The following KCND2 variants were observed in gnomAD, a reference collection of about 807,000 sequenced individuals.
KCND2 encodes potassium voltage-gated channel subfamily D member 2.
A neutral mutation model predicts 54.4 loss-of-function variants in KCND2; 16 were observed. The ratio of observed to expected loss-of-function variants is 0.29; its 90% CI spans 0.20 to 0.45. KCND2 has a LOEUF of 0.45. Ranked by LOEUF, KCND2 falls within the 20% of genes least tolerant of loss-of-function variation. The probability of loss-of-function intolerance (pLI) is 1.00; values close to 1 mark genes in which losing one functional copy is unlikely to be tolerated. For synonymous variants in KCND2, 317 were observed against 310.7 expected (o/e 1.02, Z -0.21); for missense variants, 486 against 824.2 (o/e 0.59, Z 5.02).
At chr7:120,714,555 T>A (rs1259961843) in intron 1 of KCND2, among the ~76,000 whole-genome samples, 1 of 152,108 alleles carries the variant, frequency 6.6e-6, no homozygotes, top group African/African-American at 2.4e-5. Context: ...TCAGCACTAT[T>A]CAGATATCTG....
At chr7:120,601,686 T>G (rs921901036) in intron 1 of KCND2, among the ~76,000 whole-genome samples, 19 of 152,168 alleles carry the variant, frequency 1.2e-4, no homozygotes, top group Admixed American at 9.8e-4. Flanking sequence ...TCAAATGATT[T>G]GAGAGTTGAC....
chr7:120,496,506 G>T (rs1802849981), intron 1 of KCND2, among the ~76,000 whole-genome samples: 2 of 151,900 alleles, frequency 1.3e-5, no homozygotes, highest in East Asian at 3.9e-4. Context: ...CTCACTGTAA[G>T]CTCCGCCTCC....
intron 1 of KCND2, among the ~76,000 whole-genome samples, chr7:120,308,557 C>G (rs1046888035): frequency 6.6e-6 from 1 of 152,184 alleles, no homozygotes; most frequent in African/African-American, 2.4e-5. Context: ...TTTATTATCA[C>G]AAACAATTGC....
In KCND2 at chr7:120,404,203, T is replaced by C. The variant is rs182789803; in HGVS notation, c.1115+128456T>C. 4.1e-3 allele frequency among the ~76,000 whole-genome samples: 625 copies of C among 152,256 alleles called. 6 individuals carry two copies. Among genetic ancestry groups the C allele is most frequent in the African/African-American group, 0.014 (600 of 41,564 alleles). On this transcript the variant is annotated intron_variant, in intron 1 of 5. Transcript: ENST00000331113. Reference sequence around the variant, plus strand: ...TACTTACCTGTCAGCCAGGAATGAGTCACTCCTGAATTTACTAAAAATGAC... The same window carrying C: ...TACTTACCTGTCAGCCAGGAATGAGCCACTCCTGAATTTACTAAAAATGAC...
intron 1 of KCND2, among the ~76,000 whole-genome samples, chr7:120,283,288 A>C (rs1799291976): frequency 1.3e-5 from 2 of 152,204 alleles, no homozygotes; most frequent in African/African-American, 2.4e-5. Context: ...GTAGGATATG[A>C]TAGACCACAA....
At chr7:120,696,713 A>G (rs568979696) in intron 1 of KCND2, among the ~76,000 whole-genome samples, 5 of 152,292 alleles carry the variant, frequency 3.3e-5, no homozygotes, top group African/African-American at 1.2e-4. Context: ...TTCAGCCACC[A>G]CTTGCTCTCT....
chr7:120,335,206 T>C (rs985490386), intron 1 of KCND2, among the ~76,000 whole-genome samples: 1 of 151,680 alleles, frequency 6.6e-6, no homozygotes, highest in South Asian at 2.1e-4. Flanking sequence ...CTACTAAAAA[T>C]ACAAAAATTA....
At chr7:120,311,651 C>T (rs1345939132) in intron 1 of KCND2, among the ~76,000 whole-genome samples, 2 of 152,054 alleles carry the variant, frequency 1.3e-5, no homozygotes, top group African/African-American at 2.4e-5. Context: ...GGGTTTCTTG[C>T]ACAGATTGTT....
intron 1 of KCND2, among the ~76,000 whole-genome samples, chr7:120,597,905 T>G (rs1054869892): frequency 3.3e-5 from 5 of 152,148 alleles, no homozygotes; most frequent in African/African-American, 1.2e-4. Context: ...GATTTAGGTA[T>G]CACAGCATCA....
chr7:120,641,895 AC>A (rs1305229835), intron 1 of KCND2, among the ~76,000 whole-genome samples: 1 of 151,912 alleles, frequency 6.6e-6, no homozygotes, highest in Non-Finnish European at 1.5e-5. Context: ...TTTCAAATCC[AC>A]CTACTAACAC....
intron 1 of KCND2, among the ~76,000 whole-genome samples, chr7:120,289,069 CACACACACAG>C (rs778670804): frequency 4.3e-5 from 6 of 139,496 alleles, no homozygotes; most frequent in African/African-American, 1.2e-4. Context: ...CACACACACA[CACACACACAG>C]AGAGAGAGAG....
At chr7:120,315,032 T>C (rs989717400) in intron 1 of KCND2, among the ~76,000 whole-genome samples, 1 of 152,054 alleles carries the variant, frequency 6.6e-6, no homozygotes, top group Non-Finnish European at 1.5e-5. Context: ...AAAAGTACAA[T>C]TGTTGAAAGA....
At chr7:120,479,846 G>A (rs1802579860) in intron 1 of KCND2, among the ~76,000 whole-genome samples, 1 of 146,162 alleles carries the variant, frequency 6.8e-6, no homozygotes, top group African/African-American at 2.5e-5. Context: ...GCACGTACCT[G>A]TAATCCCAGC....
intron 1 of KCND2, among the ~76,000 whole-genome samples, chr7:120,337,128 G>A (rs908189029): frequency 2.6e-5 from 4 of 151,942 alleles, no homozygotes; most frequent in Non-Finnish European, 5.9e-5. Flanking sequence ...ATGCTACAAG[G>A]TGAAAGTCAT....
chr7:120,700,754 CA>C (rs1403128413), intron 1 of KCND2, among the ~76,000 whole-genome samples: 1 of 151,998 alleles, frequency 6.6e-6, no homozygotes, highest in Non-Finnish European at 1.5e-5. Flanking sequence ...TTTATTTGTT[CA>C]GTAAGTATTT....
intron 1 of KCND2, among the ~76,000 whole-genome samples, chr7:120,607,296 T>C (rs1047883842): frequency 2.0e-5 from 3 of 152,160 alleles, no homozygotes; most frequent in Non-Finnish European, 4.4e-5. Context: ...AGAGTTCTCA[T>C]TGCTTTTATG....
At chr7:120,279,815 T>C (rs1799236425) in intron 1 of KCND2, among the ~76,000 whole-genome samples, 1 of 151,916 alleles carries the variant, frequency 6.6e-6, no homozygotes, top group Admixed American at 6.6e-5. Flanking sequence ...TGATCATATC[T>C]ATGATATACG....
intron 1 of KCND2, among the ~76,000 whole-genome samples, chr7:120,553,301 T>C (rs1189522567): frequency 6.6e-6 from 1 of 152,200 alleles, no homozygotes; most frequent in Non-Finnish European, 1.5e-5. Flanking sequence ...TTTCCTAGGT[T>C]CATCTATGTT....
intron 1 of KCND2, among the ~76,000 whole-genome samples, chr7:120,411,313 T>G (rs1403025034): frequency 1.3e-5 from 2 of 151,836 alleles, no homozygotes; most frequent in Non-Finnish European, 2.9e-5. Flanking sequence ...TTTTTTTTCA[T>G]TTTTACTTTG....
Sources: gnomAD v4.1 joint callset for allele counts (sites outside exome capture counted in the v4.1 genomes callset) on GRCh38, gnomAD v4.1.1 for gene constraint, MANE v1.5 for transcripts, NCBI Gene and HGNC (gene_info 2026-07-23, HGNC 2026-07-21) for gene names.